Variants in ERC2 observed in about 807,000 individuals in gnomAD.
ERC2 encodes ERC protein 2.
In ERC2, 42 loss-of-function variants were observed where a neutral mutation model predicts 114.8. The ratio of observed to expected loss-of-function variants is 0.37; its 90% confidence interval spans 0.29 to 0.47. The LOEUF is 0.47. ERC2 is among the 20% of genes least tolerant of loss of function. The pLI is 0.99. For synonymous variants in ERC2, 454 were observed against 425.5 expected (o/e 1.07, Z -0.82); for missense variants, 939 against 1,150.7 (o/e 0.82, Z 2.66).
At chr3:55,771,429 A>G (rs1047202793) in intron 14 of ERC2, among the ~76,000 whole-genome samples, 4 of 152,188 alleles carry the variant, frequency 2.6e-5, no homozygotes, top group African/African-American at 9.7e-5. Context: ...CCCTGCTACC[A>G]TTGCACAGAA....
intron 7 of ERC2, among the ~76,000 whole-genome samples, chr3:56,030,444 C>T (rs1042482750): frequency 2.0e-5 from 3 of 151,960 alleles, no homozygotes; most frequent in Non-Finnish European, 2.9e-5. Context: ...ATTGTGAATT[C>T]GTTTATTTTA....
intron 17 of ERC2, among the ~76,000 whole-genome samples, chr3:55,527,172 G>T (rs2053377995): frequency 1.3e-5 from 2 of 152,212 alleles, no homozygotes; most frequent in African/African-American, 4.8e-5. Context: ...TCGTGGCTTA[G>T]CCCATGATTA....
intron 14 of ERC2, among the ~76,000 whole-genome samples, chr3:55,829,140 T>G (rs1439086414): frequency 1.3e-5 from 2 of 152,040 alleles, no homozygotes; most frequent in African/African-American, 2.4e-5. Context: ...CAAAAAAAAT[T>G]TAGAATCCTT....
intron 2 of ERC2, among the ~76,000 whole-genome samples, chr3:56,317,497 T>C (rs1560582080): frequency 6.6e-6 from 1 of 152,200 alleles, no homozygotes; most frequent in Non-Finnish European, 1.5e-5. Flanking sequence ...AAACTGGGCT[T>C]GTGAATGCAT....
chr3:56,111,494 CA>C (rs752659039), intron 6 of ERC2, among the ~76,000 whole-genome samples: 6 of 152,040 alleles, frequency 3.9e-5, no homozygotes, highest in Non-Finnish European at 8.8e-5. Context: ...TATCAAAGGG[CA>C]AAATCTGCCA....
At position 55,556,526 on chromosome 3, in the gene ERC2, T is replaced by C. The variant is rs527754066; in HGVS notation, c.*40-45250A>G. Reference sequence around the variant, plus strand: ...CTTGGCCAATCACAGCATCACATTCTCTGGCCTGCAGTGATTCAATCAAAT... The same window carrying C: ...CTTGGCCAATCACAGCATCACATTCCCTGGCCTGCAGTGATTCAATCAAAT... On this transcript the variant is annotated intron_variant, in intron 17 of 17. Transcript: ENST00000288221. Among the ~76,000 whole-genome samples the C allele has an allele frequency of 2.0e-5, 3 of 152,268 alleles. No homozygotes were observed. The South Asian group carries it at 6.2e-4, about 32-fold the overall frequency.
intron 3 of ERC2, among the ~76,000 whole-genome samples, chr3:56,191,900 T>C (rs992908689): frequency 7.2e-5 from 11 of 152,092 alleles, no homozygotes; most frequent in African/African-American, 2.4e-4. Flanking sequence ...CTCAATTCTT[T>C]CCTCCCATCC....
chr3:55,751,334 C>G (rs13064055), intron 14 of ERC2, among the ~76,000 whole-genome samples: 11 of 152,068 alleles, frequency 7.2e-5, no homozygotes, highest in East Asian at 3.9e-4. Flanking sequence ...GACAAGAGCT[C>G]GAGCTCCAGG....
chr3:56,000,423 A>G (rs2071945592), intron 10 of ERC2, among the ~76,000 whole-genome samples: 1 of 152,152 alleles, frequency 6.6e-6, no homozygotes, highest in Non-Finnish European at 1.5e-5. Flanking sequence ...AATTCTATAT[A>G]AAACACAGAA....
At chr3:56,011,493 TGGAGCCATTCAA>T (rs2072933300) in intron 8 of ERC2, among the ~76,000 whole-genome samples, 1 of 152,118 alleles carries the variant, frequency 6.6e-6, no homozygotes. Context: ...AACATACACC[TGGAGCCATTCAA>T]GGAGGTCTGC....
intron 1 of ERC2, among the ~76,000 whole-genome samples, chr3:56,465,494 C>A (rs907436651): frequency 6.6e-6 from 1 of 152,128 alleles, no homozygotes; most frequent in Non-Finnish European, 1.5e-5. Context: ...GGAAAAGGGT[C>A]TCTGTAAATA....
chr3:55,650,954 C>A (rs2060595248), intron 17 of ERC2, among the ~76,000 whole-genome samples: 1 of 151,334 alleles, frequency 6.6e-6, no homozygotes, highest in African/African-American at 2.4e-5. Context: ...TCAACCAATT[C>A]TCCCTGCCTC....
chr3:56,124,397 C>A (rs758891052), intron 6 of ERC2, among the ~76,000 whole-genome samples: 3 of 152,186 alleles, frequency 2.0e-5, no homozygotes, highest in Non-Finnish European at 2.9e-5. Context: ...GTGTACGTAA[C>A]AATTTATCTC....
intron 2 of ERC2, among the ~76,000 whole-genome samples, chr3:56,349,110 T>C (rs1375920930): frequency 6.6e-6 from 1 of 152,238 alleles, no homozygotes; most frequent in Non-Finnish European, 1.5e-5. Context: ...TTTTAGAGTT[T>C]ATTTTAGAAG....
At chr3:56,007,395 A>T in intron 9 of ERC2, 74 bp from the exon 10 acceptor site, 3 of 1,307,754 alleles carry the variant, frequency 2.3e-6, no homozygotes, top group Non-Finnish European at 3.2e-6. Flanking sequence ...GAACACATTG[A>T]TTCTATACAT....
intron 7 of ERC2, among the ~76,000 whole-genome samples, chr3:56,062,877 G>A (rs1176971031): frequency 6.6e-6 from 1 of 152,154 alleles, no homozygotes; most frequent in East Asian, 1.9e-4. Flanking sequence ...AACAGACGGA[G>A]ACTAGGTTGT....
At chr3:55,728,595 TG>T (rs1217899685) in intron 15 of ERC2, among the ~76,000 whole-genome samples, 1 of 152,170 alleles carries the variant, frequency 6.6e-6, no homozygotes, top group East Asian at 1.9e-4. Context: ...CAGTAAGGAC[TG>T]GGGGGTGATG....
At chr3:55,983,764 T>C (rs527681075) in intron 12 of ERC2, among the ~76,000 whole-genome samples, 6 of 152,294 alleles carry the variant, frequency 3.9e-5, no homozygotes, top group African/African-American at 1.4e-4. Context: ...ATACATGATA[T>C]GTGTATACAC....
chr3:55,910,164 C>A (rs368767712), intron 13 of ERC2, among the ~76,000 whole-genome samples: 9 of 152,028 alleles, frequency 5.9e-5, no homozygotes, highest in Admixed American at 5.9e-4. Context: ...CAGATGGGGG[C>A]AGATCACTTG....
Sources: gnomAD v4.1 joint callset for allele counts (sites outside exome capture counted in the v4.1 genomes callset) on GRCh38, gnomAD v4.1.1 for gene constraint, MANE v1.5 for transcripts, NCBI Gene and HGNC (gene_info 2026-07-23, HGNC 2026-07-21) for gene names.